Variants in SFMBT2 observed in about 807,000 individuals in gnomAD.
The protein encoded by SFMBT2 is scm-like with four MBT domains protein 2.
SFMBT2 carries 38 observed loss-of-function variants against 110.1 expected under a neutral mutation model. That is an observed-to-expected ratio of 0.35 (90% CI 0.27 to 0.45). The LOEUF is 0.45. SFMBT2 is among the 20% of genes least tolerant of loss of function. The pLI, the probability that SFMBT2 is intolerant of heterozygous loss-of-function variation, is 1.00. For synonymous variants in SFMBT2, 425 were observed against 425.4 expected (o/e 1.00, Z 0.01); for missense variants, 1,011 against 1,094.9 (o/e 0.92, Z 1.08).
intron 4 of SFMBT2, among the ~76,000 whole-genome samples, chr10:7,353,629 T>C (rs751211078): frequency 3.3e-5 from 5 of 152,216 alleles, no homozygotes; most frequent in Admixed American, 1.3e-4. Flanking sequence ...CCTCCCATCA[T>C]GCATTTTCAA....
At chr10:7,314,074 T>C (rs1391371058) in intron 4 of SFMBT2, among the ~76,000 whole-genome samples, 2 of 152,230 alleles carry the variant, frequency 1.3e-5, no homozygotes, top group Non-Finnish European at 2.9e-5. Context: ...AAAAATAGCA[T>C]GAACCCCTAT....
intron 4 of SFMBT2, among the ~76,000 whole-genome samples, chr10:7,343,856 C>T (rs12248362): frequency 0.024 from 3,716 of 152,286 alleles, 154 homozygotes; most frequent in African/African-American, 0.084. Context: ...GACGTTATCA[C>T]TACAACATCT....
intron 2 of SFMBT2, among the ~76,000 whole-genome samples, chr10:7,376,820 T>A (rs1588493182): frequency 9.7e-6 from 1 of 103,612 alleles, no homozygotes; most frequent in African/African-American, 3.9e-5. Context: ...CTGCAAGGAA[T>A]CATAGCCTCA....
chr10:7,314,678 C>G (rs1842937160), intron 4 of SFMBT2, among the ~76,000 whole-genome samples: 1 of 152,144 alleles, frequency 6.6e-6, no homozygotes, highest in Non-Finnish European at 1.5e-5. Flanking sequence ...GAGGCTGAGG[C>G]AGGGGAGTCA....
chr10:7,361,954 A>G (rs1426216615), intron 4 of SFMBT2, among the ~76,000 whole-genome samples: 1 of 152,196 alleles, frequency 6.6e-6, no homozygotes, highest in Non-Finnish European at 1.5e-5. Context: ...TTCAATAAAT[A>G]ACAATGAAGT....
At chr10:7,317,302 T>C (rs1239056690) in intron 4 of SFMBT2, among the ~76,000 whole-genome samples, 2 of 151,938 alleles carry the variant, frequency 1.3e-5, no homozygotes, top group East Asian at 3.9e-4. Flanking sequence ...TCCTACAGAA[T>C]TTAAGATCCT....
At chr10:7,220,731 A>G (rs1475405116) in intron 10 of SFMBT2, among the ~76,000 whole-genome samples, 194 bp from the exon 11 acceptor site, 7 of 152,210 alleles carry the variant, frequency 4.6e-5, no homozygotes, top group African/African-American at 1.7e-4. Flanking sequence ...AGAAATTAGA[A>G]CTATGCCTAG....
At chr10:7,228,716 TTTC>T (rs1469034918) in intron 9 of SFMBT2, among the ~76,000 whole-genome samples, 3 of 133,414 alleles carry the variant, frequency 2.2e-5, no homozygotes, top group African/African-American at 6.1e-5. Context: ...TCTTTCTTTC[TTTC>T]TTTCTTTCTT....
At chr10:7,226,098 G>A (rs538617865) in intron 10 of SFMBT2, among the ~76,000 whole-genome samples, 17 of 152,292 alleles carry the variant, frequency 1.1e-4, no homozygotes, top group Admixed American at 2.0e-4. Context: ...GACATCATTC[G>A]GTGGCAATCC....
chr10:7,326,555 C>T (rs568829140), intron 4 of SFMBT2, among the ~76,000 whole-genome samples: 3 of 152,298 alleles, frequency 2.0e-5, no homozygotes, highest in Admixed American at 6.5e-5. Flanking sequence ...TTCCAAAGAC[C>T]CACAACACGT....
intron 4 of SFMBT2, among the ~76,000 whole-genome samples, chr10:7,291,619 T>C (rs756234507): frequency 1.7e-4 from 26 of 152,332 alleles, no homozygotes; most frequent in Middle Eastern, 3.4e-3. Flanking sequence ...ACAATGCTCA[T>C]GCATCATACT....
intron 15 of SFMBT2, among the ~76,000 whole-genome samples, chr10:7,195,046 G>T (rs114299574): frequency 6.6e-6 from 1 of 152,188 alleles, no homozygotes; most frequent in Non-Finnish European, 1.5e-5. Flanking sequence ...TCAGCTCTCC[G>T]TATTTTTGTC....
intron 1 of SFMBT2, among the ~76,000 whole-genome samples, chr10:7,406,366 G>T (rs987680809): frequency 1.3e-5 from 2 of 151,430 alleles, no homozygotes; most frequent in Admixed American, 6.6e-5. Flanking sequence ...AAAGTATCCT[G>T]TATCAATTAC....
At chr10:7,369,495 G>T (rs778414907) in intron 3 of SFMBT2, among the ~76,000 whole-genome samples, 4 of 152,156 alleles carry the variant, frequency 2.6e-5, no homozygotes, top group Non-Finnish European at 4.4e-5. Context: ...AATTTTCTGG[G>T]ACTTGCCCAG....
At chr10:7,377,560 C>T (rs890493154) in intron 2 of SFMBT2, among the ~76,000 whole-genome samples, 1 of 152,144 alleles carries the variant, frequency 6.6e-6, no homozygotes, top group African/African-American at 2.4e-5. Flanking sequence ...TAGACAGTCC[C>T]ATCTGGGGGT....
At chr10:7,315,021 AGAGAGAAAG>A (rs1842952412) in intron 4 of SFMBT2, among the ~76,000 whole-genome samples, 1 of 138,580 alleles carries the variant, frequency 7.2e-6, no homozygotes, top group African/African-American at 2.7e-5. Context: ...GAAAGAAAAG[AGAGAGAAAG>A]AAAGAAAGAG....
chr10:7,400,788 T>C (rs1846057069), intron 1 of SFMBT2, among the ~76,000 whole-genome samples: 1 of 152,206 alleles, frequency 6.6e-6, no homozygotes, highest in African/African-American at 2.4e-5. Flanking sequence ...AAAAGCCCTG[T>C]CCTTGGGAAG....
intron 4 of SFMBT2, among the ~76,000 whole-genome samples, chr10:7,309,249 A>G (rs1842781707): frequency 6.6e-6 from 1 of 152,228 alleles, no homozygotes; most frequent in Admixed American, 6.5e-5. Context: ...ATGCTGGAGC[A>G]AGACGTCGGT....
At chr10:7,261,590 G>C (rs928270056) in intron 7 of SFMBT2, among the ~76,000 whole-genome samples, 5 of 152,230 alleles carry the variant, frequency 3.3e-5, no homozygotes, top group South Asian at 2.1e-4. Context: ...GGAGAATCCA[G>C]ATGCCGGCAG....
Sources: gnomAD v4.1 joint callset for allele counts (sites outside exome capture counted in the v4.1 genomes callset) on GRCh38, gnomAD v4.1.1 for gene constraint, MANE v1.5 for transcripts, NCBI Gene and HGNC (gene_info 2026-07-23, HGNC 2026-07-21) for gene names.